Variants in PRELID2 observed in about 807,000 individuals in gnomAD.
PRELID2 encodes PRELI domain-containing protein 2.
A neutral mutation model predicts 28.4 loss-of-function variants in PRELID2; 25 were observed. The ratio of observed to expected loss-of-function variants is 0.88; its 90% CI spans 0.64 to 1.23. PRELID2 has a LOEUF of 1.23. Ranked by LOEUF, PRELID2 falls within the 50% of genes most tolerant of loss-of-function variation. The probability of loss-of-function intolerance (pLI) is 0.00; values close to 1 mark genes in which losing one functional copy is unlikely to be tolerated. For synonymous variants in PRELID2, 76 were observed against 71.6 expected (o/e 1.06, Z -0.31); for missense variants, 201 against 214.4 (o/e 0.94, Z 0.39).
intron 1 of PRELID2, among the ~76,000 whole-genome samples, chr5:145,547,912 T>C (rs575832267): frequency 6.6e-6 from 1 of 152,334 alleles, no homozygotes; most frequent in Non-Finnish European, 1.5e-5. Flanking sequence ...TTTTCACCAT[T>C]TGACATGCAA....
chr5:145,340,737 G>A, the PRELID2 span, among the ~76,000 whole-genome samples: 3 of 148,926 alleles, frequency 2.0e-5, no homozygotes, highest in Non-Finnish European at 4.5e-5. Flanking sequence ...ACTCCAGCCT[G>A]GGTGACAGAG....
At chr5:145,818,847 T>A (rs1046084506) in intron 3 of PRELID2, among the ~76,000 whole-genome samples, 1 of 152,172 alleles carries the variant, frequency 6.6e-6, no homozygotes, top group African/African-American at 2.4e-5. Flanking sequence ...CCAAGCTGGG[T>A]TCCACATCTG....
At chr5:145,548,655 G>T (rs1054409858) in intron 1 of PRELID2, among the ~76,000 whole-genome samples, 2 of 152,036 alleles carry the variant, frequency 1.3e-5, no homozygotes, top group East Asian at 3.9e-4. Context: ...CCATCCTTGT[G>T]GTGTCTACCC....
chr5:145,236,353 T>C, the PRELID2 span, among the ~76,000 whole-genome samples: 36 of 152,170 alleles, frequency 2.4e-4, no homozygotes, highest in Admixed American at 2.4e-3. Flanking sequence ...CAGAGGAAGC[T>C]GAGTCATTGC....
intron 4 of PRELID2, among the ~76,000 whole-genome samples, chr5:145,808,409 C>A (rs1753677333): frequency 6.6e-6 from 1 of 152,076 alleles, no homozygotes; most frequent in Admixed American, 6.5e-5. Flanking sequence ...AAAAAATATG[C>A]CCAATTAGCC....
chr5:145,492,904 G>A (rs964176425), intron 1 of PRELID2, among the ~76,000 whole-genome samples: 1 of 140,682 alleles, frequency 7.1e-6, no homozygotes, highest in South Asian at 2.7e-4. Flanking sequence ...CTGGTCTGTA[G>A]TTTGGACTGT....
chr5:145,812,375 C>T (rs1754012873), intron 4 of PRELID2, among the ~76,000 whole-genome samples: 1 of 152,182 alleles, frequency 6.6e-6, no homozygotes, highest in Admixed American at 6.5e-5. Flanking sequence ...AGAGGAAGGG[C>T]AGTGTCACTG....
chr5:145,291,591 C>G, the PRELID2 span, among the ~76,000 whole-genome samples: 1 of 152,076 alleles, frequency 6.6e-6, no homozygotes, highest in Non-Finnish European at 1.5e-5. Flanking sequence ...GTTTGTGATG[C>G]TTCGTTATGG....
At chr5:145,317,874 A>G in the PRELID2 span, among the ~76,000 whole-genome samples, 6 of 152,286 alleles carry the variant, frequency 3.9e-5, no homozygotes, top group Non-Finnish European at 8.8e-5. Context: ...CTGTGTTACT[A>G]TTTAGATCCT....
intron 1 of PRELID2, among the ~76,000 whole-genome samples, chr5:145,539,007 A>G (rs988781839): frequency 9.2e-5 from 14 of 151,944 alleles, no homozygotes; most frequent in African/African-American, 3.4e-4. Flanking sequence ...AGAGCCAAAT[A>G]GCAACCTGAC....
At chr5:145,568,642 G>A (rs1157732777) in intron 1 of PRELID2, among the ~76,000 whole-genome samples, 9 of 152,164 alleles carry the variant, frequency 5.9e-5, no homozygotes, top group Admixed American at 5.9e-4. Flanking sequence ...ATCTTCTCAG[G>A]AGAAAGATAG....
the PRELID2 span, among the ~76,000 whole-genome samples, chr5:145,411,621 C>A: frequency 6.6e-6 from 1 of 152,198 alleles, no homozygotes; most frequent in Non-Finnish European, 1.5e-5. Context: ...ACAGTGCAAG[C>A]TGTCAGTGGA....
chr5:145,483,260 G>A (rs1176841147), intron 1 of PRELID2, among the ~76,000 whole-genome samples: 1 of 152,096 alleles, frequency 6.6e-6, no homozygotes, highest in African/African-American at 2.4e-5. Context: ...TCAAGCAGTA[G>A]AATTAGACAA....
chr5:145,235,740 G>A, the PRELID2 span, among the ~76,000 whole-genome samples: 88 of 152,114 alleles, frequency 5.8e-4, no homozygotes, highest in African/African-American at 1.8e-3. Context: ...AGGATAAGAC[G>A]GTAAGCTTTG....
chr5:145,604,955 A>AAT lies in PRELID2; in HGVS notation n.71-131642_71-131641dup, dbSNP rs374281661. ...TTCTGTATATATATATATTATTTTG[A>AAT]ATATATATATATTCTTTTGAAAAGT... On this transcript the variant is annotated intron_variant and non_coding_transcript_variant, in intron 1 of 2. Coordinates refer to the PRELID2 transcript ENST00000510259. Among the ~76,000 whole-genome samples, 149 of 137,732 alleles carry AAT rather than the reference A, an allele frequency of 1.1e-3. 1 individual carries two copies. In the East Asian group the frequency reaches 0.024, roughly 22 times the overall value. 90.4% of individuals were successfully genotyped at this position (137,732 alleles called of 152,430 possible).
At chr5:145,819,266 C>T (rs769058619) in intron 3 of PRELID2, 6 of 733,586 alleles carry the variant, frequency 8.2e-6, no homozygotes, top group African/African-American at 1.8e-5. Flanking sequence ...CCTCTGAGAC[C>T]TGTTTAAAGG....
chr5:145,562,797 AAGG>A (rs1388583300), intron 1 of PRELID2, among the ~76,000 whole-genome samples: 1 of 152,278 alleles, frequency 6.6e-6, no homozygotes, highest in South Asian at 2.1e-4. Flanking sequence ...AAAAAAATGG[AAGG>A]AGAAGATGGG....
At chr5:145,265,804 A>G in the PRELID2 span, among the ~76,000 whole-genome samples, 1 of 152,212 alleles carries the variant, frequency 6.6e-6, no homozygotes, top group Non-Finnish European at 1.5e-5. Context: ...TTATACAAAA[A>G]TCAACACAAG....
the PRELID2 span, among the ~76,000 whole-genome samples, chr5:145,346,784 T>C: frequency 1.3e-5 from 2 of 152,132 alleles, no homozygotes; most frequent in Admixed American, 6.5e-5. Context: ...CCTCAAAGCA[T>C]TGATAATTCC....
Sources: allele counts gnomAD v4.1 joint callset (sites outside exome capture counted in the v4.1 genomes callset), GRCh38; gene constraint gnomAD v4.1.1; transcripts MANE v1.5; gene names NCBI Gene and HGNC (gene_info 2026-07-23, HGNC 2026-07-21).